Variants in CNTN4 observed in about 807,000 individuals in gnomAD.
CNTN4 encodes the protein contactin 4, also known as contactin-4.
Under a neutral mutation model 122.5 loss-of-function variants are expected in CNTN4, and 77 were observed. That is an observed-to-expected ratio of 0.63 (90% CI 0.52 to 0.76). The LOEUF (loss-of-function observed/expected upper bound fraction) is 0.76. CNTN4 is among the 30% of genes least tolerant of loss of function. CNTN4 has a pLI of 0.00. For synonymous variants in CNTN4, 512 were observed against 447.0 expected (o/e 1.15, Z -1.83); for missense variants, 1,256 against 1,259.1 (o/e 1.00, Z 0.04).
chr3:2,889,521 G>A (rs1425583922), intron 10 of CNTN4, among the ~76,000 whole-genome samples: 1 of 152,126 alleles, frequency 6.6e-6, no homozygotes, highest in East Asian at 1.9e-4. Flanking sequence ...TATTCAGTGA[G>A]ATGCTATGGC....
In CNTN4 at chr3:2,951,614, C is replaced by T. The variant is rs553027171; in HGVS notation, c.1358+25835C>T. Among the ~76,000 whole-genome samples the T allele has an allele frequency of 4.6e-5, 7 of 152,314 alleles. No homozygotes were observed. In the South Asian group the frequency reaches 1.5e-3, roughly 32 times the overall value. ...TTGGTAATACATAGATATTTACTGT[C>T]TTCTCCATGACTCCAAGAAGTGTTT... On this transcript the variant is annotated intron_variant, in intron 13 of 24. Transcript: ENST00000418658.
At chr3:2,237,708 G>T (rs954860667) in intron 2 of CNTN4, among the ~76,000 whole-genome samples, 1 of 152,090 alleles carries the variant, frequency 6.6e-6, no homozygotes, top group Non-Finnish European at 1.5e-5. Context: ...TTAAAGAAAT[G>T]GTAAGTGATA....
intron 2 of CNTN4, among the ~76,000 whole-genome samples, chr3:2,212,135 C>A (rs1276677504): frequency 6.6e-6 from 1 of 151,888 alleles, no homozygotes; most frequent in Non-Finnish European, 1.5e-5. Context: ...CCATACCTGG[C>A]TATTTTTTTT....
intron 6 of CNTN4, among the ~76,000 whole-genome samples, chr3:2,758,697 G>C (rs1013608155): frequency 6.6e-6 from 1 of 151,870 alleles, no homozygotes; most frequent in Admixed American, 6.6e-5. Flanking sequence ...AGTAGAGACG[G>C]GGTTTCACCG....
rs1249759725 is a variant in CNTN4, at chr3:2,224,966, T to C, written c.-144-114212T>C. Among the ~76,000 whole-genome samples, 5 of 150,874 alleles carry C rather than the reference T, an allele frequency of 3.3e-5. No homozygotes were observed. The East Asian group carries it at 9.9e-4, about 30-fold the overall frequency. On this transcript the variant is annotated intron_variant, in intron 2 of 24. Coordinates refer to ENST00000418658, the MANE Select transcript of CNTN4 (RefSeq NM_175607.3). ...GAGATGAAGACTATCCTGGCTAACT[T>C]GGTGAAACCCCGTCTCTACTAAAAA...
intron 7 of CNTN4, among the ~76,000 whole-genome samples, chr3:2,833,144 T>G (rs141034469): frequency 6.6e-6 from 1 of 152,280 alleles, no homozygotes; most frequent in African/African-American, 2.4e-5. Context: ...AATGAATGGA[T>G]GCATCTCCAC....
At chr3:2,542,829 A>G (rs1448704619) in intron 3 of CNTN4, among the ~76,000 whole-genome samples, 2 of 152,134 alleles carry the variant, frequency 1.3e-5, no homozygotes, top group Non-Finnish European at 2.9e-5. Context: ...TAGTGGATCC[A>G]TATTCAGTAA....
intron 3 of CNTN4, among the ~76,000 whole-genome samples, chr3:2,475,600 A>G (rs1026502779): frequency 8.5e-5 from 13 of 152,128 alleles, no homozygotes; most frequent in African/African-American, 1.9e-4. Flanking sequence ...CCTTCTGCCA[A>G]TCTCCCATGT....
chr3:2,570,315 A>C (rs538620083), intron 3 of CNTN4, among the ~76,000 whole-genome samples: 8 of 151,784 alleles, frequency 5.3e-5, no homozygotes, highest in Non-Finnish European at 1.2e-4. Flanking sequence ...CAGGGACTAT[A>C]GGCGTGCACC....
chr3:2,550,156 G>T (rs185760463), intron 3 of CNTN4, among the ~76,000 whole-genome samples: 5 of 152,012 alleles, frequency 3.3e-5, no homozygotes, highest in Admixed American at 6.6e-5. Context: ...CCAGTTCCTG[G>T]AGTCATTGAT....
chr3:2,846,822 C>T (rs566922588), intron 7 of CNTN4, among the ~76,000 whole-genome samples: 24 of 152,196 alleles, frequency 1.6e-4, no homozygotes, highest in African/African-American at 5.8e-4. Context: ...CATGGGGAAA[C>T]CCCATCTCTA....
At chr3:2,465,933 A>G (rs780909692) in intron 3 of CNTN4, among the ~76,000 whole-genome samples, 2 of 152,198 alleles carry the variant, frequency 1.3e-5, no homozygotes, top group Non-Finnish European at 2.9e-5. Context: ...ATTGGAAGGT[A>G]TAGGGAGGAG....
chr3:2,374,568 G>A (rs3913588), intron 3 of CNTN4, among the ~76,000 whole-genome samples: 10,857 of 152,076 alleles, frequency 0.071, 922 homozygotes, highest in East Asian at 0.5. Flanking sequence ...GTGTTCACTT[G>A]TCTATGTGTG....
chr3:2,725,798 A>G (rs888703800), intron 4 of CNTN4, among the ~76,000 whole-genome samples: 3 of 152,234 alleles, frequency 2.0e-5, no homozygotes, highest in Admixed American at 6.5e-5. Flanking sequence ...TCTTACTTGT[A>G]TGTATTCACA....
chr3:3,039,517 T>C (rs1574899065), intron 19 of CNTN4: 2 of 175,684 alleles, frequency 1.1e-5, no homozygotes, highest in South Asian at 2.6e-4. Context: ...TCTTCATGTT[T>C]TTGAAAGATT....
At chr3:2,612,627 A>G (rs991627551) in intron 4 of CNTN4, among the ~76,000 whole-genome samples, 1 of 152,164 alleles carries the variant, frequency 6.6e-6, no homozygotes, top group Non-Finnish European at 1.5e-5. Flanking sequence ...GCTGGGTAGA[A>G]TGAGGTAGAT....
At chr3:2,535,839 T>A (rs527822213) in intron 3 of CNTN4, among the ~76,000 whole-genome samples, 59 of 152,300 alleles carry the variant, frequency 3.9e-4, no homozygotes, top group African/African-American at 1.4e-3. Context: ...AAAATATCCC[T>A]TTCAGTAGTA....
chr3:2,263,375 A>T (rs1210709264), intron 2 of CNTN4, among the ~76,000 whole-genome samples: 2 of 152,148 alleles, frequency 1.3e-5, no homozygotes, highest in Non-Finnish European at 2.9e-5. Context: ...ACTCAAAATG[A>T]GACTGATTTT....
At chr3:2,623,576 G>T (rs545369256) in intron 4 of CNTN4, among the ~76,000 whole-genome samples, 1 of 152,298 alleles carries the variant, frequency 6.6e-6, no homozygotes, top group African/African-American at 2.4e-5. Flanking sequence ...TTCCCAAAGT[G>T]CTCTGCCTTT....
Sources: gnomAD v4.1 joint callset for allele counts (sites outside exome capture counted in the v4.1 genomes callset) on GRCh38, gnomAD v4.1.1 for gene constraint, MANE v1.5 for transcripts, NCBI Gene and HGNC (gene_info 2026-07-23, HGNC 2026-07-21) for gene names.